TEX15: variants seen among roughly 807,000 people sequenced by gnomAD.
TEX15 encodes testis-expressed protein 15.
TEX15 carries 171 observed loss-of-function variants against 237.3 expected under a neutral mutation model. That is an observed-to-expected ratio of 0.72 (90% CI 0.64 to 0.82). The LOEUF is 0.82. TEX15 is among the 40% of genes least tolerant of loss of function. The pLI is 0.00. For missense variants in TEX15, 3,750 were observed against 3,646.5 expected (o/e 1.03, Z -0.73); for synonymous variants, 1,338 against 1,269.8 (o/e 1.05, Z -1.14).
intron 5 of TEX15, among the ~76,000 whole-genome samples, chr8:30,865,561 G>A (rs1808145967): frequency 6.6e-6 from 1 of 152,112 alleles, no homozygotes; most frequent in African/African-American, 2.4e-5. Context: ...CAAAAGATTA[G>A]CAAACTGAAA....
intron 4 of TEX15, among the ~76,000 whole-genome samples, chr8:30,872,622 C>T (rs1383466056): frequency 1.3e-5 from 2 of 151,912 alleles, no homozygotes; most frequent in African/African-American, 4.8e-5. Context: ...CGTTACTGCA[C>T]CTGAAGACCT....
At chr8:30,833,876 A>T (rs1465219650) in intron 10 of TEX15, among the ~76,000 whole-genome samples, 1 of 152,170 alleles carries the variant, frequency 6.6e-6, no homozygotes, top group Non-Finnish European at 1.5e-5. Context: ...TAATATAACC[A>T]AGGAGGTAAC....
rs1229137588 is a variant in TEX15, at chr8:30,843,873, T to A, written c.6294A>T (p.Thr2098=). The A allele has an allele frequency of 6.2e-7, 1 of 1,612,668 alleles. No individual in the cohort carries two copies. The highest frequency in any genetic ancestry group is 1.1e-5 in the South Asian group (1 of 90,722). Residue 2098 remains threonine, a synonymous_variant, in exon 8 of 11, where the codon ACA becomes ACT. Transcript: ENST00000643185. ...NKKRHLEGEP[T]LRSLLWYDET... Reference sequence around the variant, plus strand: ...CATCATACCAAAGCAAGCTTCGCAATGTTGGTTCACCTTCTAAGTGCCTTT... The same window carrying A: ...CATCATACCAAAGCAAGCTTCGCAAAGTTGGTTCACCTTCTAAGTGCCTTT...
In TEX15 at chr8:30,844,453, G is replaced by A. The variant is rs199694214; in HGVS notation, c.5714C>T (p.Thr1905Ile). 4 of 1,613,200 alleles carry A rather than the reference G, an allele frequency of 2.5e-6. No homozygotes were observed. The Admixed American group carries it at 6.7e-5, about 27-fold the overall frequency. Residue 1905 changes from threonine (T) to isoleucine (I), a missense_variant, in exon 8 of 11, where the codon ACC becomes ATC. Physicochemically the swap from Thr to Ile is moderately conservative, Grantham distance 89. Transcript: ENST00000643185. ...GTTCTTCAAAGGGACTGACTCAGTG[G>A]TAGTATTTTTAGTGCTCAGATGGGA... ...IDSHLSTKNT[T>I]TESVPLKNTV...
In TEX15 at chr8:30,843,289, TGTGA is replaced by T. The variant is rs754041709; in HGVS notation, c.6874_6877del (p.Ser2292LysfsTer11). On this transcript the variant is annotated frameshift_variant, in exon 8 of 11. Coordinates refer to ENST00000643185, the MANE Select transcript of TEX15 (RefSeq NM_001350162.2). LOFTEE classifies it high-confidence loss of function. ...GAGTAGCCTTTCTTCGTCCTTCTTT[TGTGA>T]GTATTTTTTGCTGAAGGATTGTGTT... 6.2e-4 allele frequency: 1,003 copies of T among 1,611,508 alleles called. No homozygotes were observed. The highest frequency in any genetic ancestry group is 8.2e-4 in the Non-Finnish European group (966 of 1,179,180).
At chr8:30,860,089 T>C (rs1425570675) in intron 5 of TEX15, 32 bp from the exon 6 acceptor site, 2 of 1,427,764 alleles carry the variant, frequency 1.4e-6, no homozygotes, top group African/African-American at 1.5e-5. Context: ...AAAAAGTACG[T>C]AAAAATATAC....
chr8:30,909,978 C>T (rs1809186198), intron 1 of TEX15, among the ~76,000 whole-genome samples: 1 of 152,120 alleles, frequency 6.6e-6, no homozygotes, highest in Admixed American at 6.5e-5. Context: ...TCCCCTCTAT[C>T]ATCCTTCATG....
Position 30,842,495 on chromosome 8 carries a change from ACTT to A in TEX15, c.7669_7671del (p.Lys2557del). On this transcript the variant is annotated inframe_deletion, in exon 8 of 11. Coordinates refer to ENST00000643185, the MANE Select transcript of TEX15 (RefSeq NM_001350162.2). ...ATATATGTGGAAATAAAATACTTGG[ACTT>A]CTTCAGAAGCTTTTTTATTTCTGAA... is the stretch of plus-strand genomic sequence containing the variant. 5.0e-6 allele frequency: 8 copies of A among 1,612,662 alleles called. No individual in the cohort carries two copies. The Middle Eastern group carries it at 8.3e-4, about 167-fold the overall frequency.
At chr8:30,912,112 G>A (rs1031517283) in intron 1 of TEX15, among the ~76,000 whole-genome samples, 10 of 152,196 alleles carry the variant, frequency 6.6e-5, no homozygotes, top group African/African-American at 1.9e-4. Context: ...CCGCGTCGGA[G>A]CCCAGCTACC....
chr8:30,898,269 A>T (rs1241721738), intron 2 of TEX15, among the ~76,000 whole-genome samples: 2 of 152,208 alleles, frequency 1.3e-5, no homozygotes, highest in African/African-American at 4.8e-5. Context: ...TGATGGTATT[A>T]AGAGGTGAGG....
intron 7 of TEX15, among the ~76,000 whole-genome samples, chr8:30,852,693 A>AC (rs1267025419): frequency 1.3e-5 from 2 of 152,168 alleles, no homozygotes; most frequent in African/African-American, 4.8e-5. Flanking sequence ...ACCTACGGAA[A>AC]TAAAAAAAAA....
In TEX15 at chr8:30,837,337, G is replaced by A. The variant is rs1195340223; in HGVS notation, c.8947C>T (p.His2983Tyr). ...CCTTGATTCACATTAAGGGTTATAT[G>A]CCCAGATGCTCCAAAAGTATGCACA... ...NTVHTFGASG[H>Y]ITLNVNQGAE... The change falls in exon 10 of 11, where the codon CAT (histidine) becomes TAT (tyrosine). Residue 2983 changes from histidine to tyrosine, a missense_variant. Transcript: ENST00000643185. 1.2e-6 allele frequency: 2 copies of A among 1,614,134 alleles called. No individual in the cohort carries two copies. Among genetic ancestry groups the A allele is most frequent in the Non-Finnish European group, 8.5e-7 (1 of 1,180,016 alleles).
At chr8:30,864,513 G>A (rs1808115835) in intron 5 of TEX15, among the ~76,000 whole-genome samples, 1 of 148,946 alleles carries the variant, frequency 6.7e-6, no homozygotes, top group South Asian at 2.1e-4. Context: ...ATGTCCTCAG[G>A]GAAAAAAAGA....
At chr8:30,912,338 G>GC (rs1809243717) in intron 1 of TEX15, among the ~76,000 whole-genome samples, 5 of 8,570 alleles carry the variant, frequency 5.8e-4, no homozygotes, top group South Asian at 3.7e-3. Flanking sequence ...CGGGGCTCCC[G>GC]CCCCCTCCCC....
At chr8:30,901,183 C>A (rs1808998581) in intron 1 of TEX15, among the ~76,000 whole-genome samples, 1 of 152,074 alleles carries the variant, frequency 6.6e-6, no homozygotes, top group South Asian at 2.1e-4. Flanking sequence ...AAATGGTCTT[C>A]AATAGCTTTT....
chr8:30,845,285 TTA>T lies in TEX15; in HGVS notation c.4880_4881del (p.Ile1627LysfsTer3), dbSNP rs777996614. On this transcript the variant is annotated frameshift_variant, in exon 8 of 11. Transcript: ENST00000643185. LOFTEE classifies it high-confidence loss of function. ...SVSLSCIKEN[I>X]NSSTGNDCDA... Reference sequence around the variant, plus strand: ...TCACAATCGTTGCCTGTACTAGAATTTATGTTTTCTTTTATGCAACTTAAAGA... The same window carrying T: ...TCACAATCGTTGCCTGTACTAGAATTTGTTTTCTTTTATGCAACTTAAAGA... 28 of 1,613,080 alleles carry T rather than the reference TTA, an allele frequency of 1.7e-5. 1 individual carries two copies. The Admixed American group carries it at 2.3e-4, about 13-fold the overall frequency.
chr8:30,911,389 C>T (rs899008205), intron 1 of TEX15, among the ~76,000 whole-genome samples: 1 of 152,142 alleles, frequency 6.6e-6, no homozygotes, highest in Non-Finnish European at 1.5e-5. Context: ...TGGGCTCATG[C>T]GATCCGCCCG....
At position 30,845,717 on chromosome 8, in the gene TEX15, T is replaced by G. The variant is rs2128767766; in HGVS notation, c.4450A>C (p.Lys1484Gln). The part of the protein sequence containing the change: ...KHKSYKTSGE[K>Q]KCLSRKSMAS... Reference sequence around the variant, plus strand: ...ATACTTTTCCTAGAAAGGCATTTTTTCTCTCCACTTGTTTTATAAGACTTG... The same window carrying G: ...ATACTTTTCCTAGAAAGGCATTTTTGCTCTCCACTTGTTTTATAAGACTTG... The change falls in exon 8 of 11, where the codon AAA becomes CAA. Residue 1484 changes from lysine to glutamine, a missense_variant. Physicochemically the swap from Lys to Gln is moderately conservative, Grantham distance 53. Coordinates refer to ENST00000643185, the MANE Select transcript of TEX15 (RefSeq NM_001350162.2). 1.9e-6 allele frequency: 3 copies of G among 1,613,700 alleles called. No individual in the cohort carries two copies. The highest frequency in any genetic ancestry group is 3.3e-4 in the Middle Eastern group (2 of 6,062).
At chr8:30,876,902 G>T (rs551579464) in intron 3 of TEX15, among the ~76,000 whole-genome samples, 4 of 152,102 alleles carry the variant, frequency 2.6e-5, no homozygotes, top group African/African-American at 4.8e-5. Flanking sequence ...TCTTGAGATA[G>T]TGAGTTTTTA....
Sources: allele counts gnomAD v4.1 joint callset (sites outside exome capture counted in the v4.1 genomes callset), GRCh38; gene constraint gnomAD v4.1.1; transcripts MANE v1.5; gene names NCBI Gene and HGNC (gene_info 2026-07-23, HGNC 2026-07-21).